Variants in DDX51 observed in about 807,000 individuals in gnomAD.
DDX51 encodes the protein DEAD-box helicase 51.
In DDX51, 67 loss-of-function variants were observed where a neutral mutation model predicts 74.6. That is an observed-to-expected ratio of 0.90 (90% CI 0.74 to 1.10). The LOEUF (loss-of-function observed/expected upper bound fraction) is 1.10. Ranked by LOEUF, DDX51 falls within the 50% of genes least tolerant of loss-of-function variation. The probability of loss-of-function intolerance (pLI) is 0.00; values close to 1 mark genes in which losing one functional copy is unlikely to be tolerated. For synonymous variants in DDX51, 545 were observed against 402.9 expected, an observed-to-expected ratio of 1.35 and a Z score of -4.22; for missense variants, 1,056 against 905.2, an observed-to-expected ratio of 1.17 and a Z score of -2.14.
Position 132,137,058 on chromosome 12 carries a change from C to CTAT in DDX51, c.*2211_*2213dup, listed in dbSNP as rs1229047170. ...AGGGTTTTAGCTGGGACAAGGTGTG[C>CTAT]TATTTGTATAGAGAGTTTCTGTCAG... On this transcript the variant is annotated 3_prime_UTR_variant, in exon 15 of 15. Coordinates refer to ENST00000397333, the MANE Select transcript of DDX51 (RefSeq NM_175066.4). 6.6e-6 allele frequency: 1 copy of CTAT among 152,204 alleles called. No homozygotes were observed. The highest frequency in any genetic ancestry group is 1.5e-5 in the Non-Finnish European group (1 of 68,064). 9.4% of individuals were successfully genotyped at this position (152,204 alleles called of 1,614,324 possible).
At chr12:132,142,072 G>A (rs776885124) in intron 5 of DDX51, 47 bp downstream of exon 5, 2 of 1,571,638 alleles carry the variant, frequency 1.3e-6, no homozygotes, top group Non-Finnish European at 1.7e-6. Context: ...ACTCAGCAGG[G>A]AAGCTGAGGC....
At position 132,141,289 on chromosome 12, in the gene DDX51, A is replaced by G. The variant is rs774251152; in HGVS notation, c.1236T>C (p.Ala412=). ...CTGCTGGATACCTGGCGGCTGTCAC[A>G]GCCTGGGCCTGCCTTCGCTGGAGCA... ...CALLQRRQAQ[A]VTAASTCCPQ... The change falls in exon 8 of 15, where the codon GCT becomes GCC. Residue 412 remains alanine (A), a synonymous_variant. Coordinates refer to ENST00000397333, the MANE Select transcript of DDX51 (RefSeq NM_175066.4). 2 of 1,594,508 alleles carry G rather than the reference A, an allele frequency of 1.3e-6. No homozygotes were observed. Among genetic ancestry groups the G allele is most frequent in the East Asian group, 4.5e-5 (2 of 44,772 alleles).
At chr12:132,143,942 A>G in intron 1 of DDX51, 33 bp from the exon 2 acceptor site, 2 of 1,475,856 alleles carry the variant, frequency 1.4e-6, no homozygotes, top group Non-Finnish European at 1.8e-6. Flanking sequence ...GCAGCGCGTC[A>G]GCACCGAGTC....
Position 132,139,882 on chromosome 12 carries a change from G to A in DDX51, c.1818C>T (p.Phe606=). 6.2e-7 allele frequency: 1 copy of A among 1,613,192 alleles called. No homozygotes were observed. Among genetic ancestry groups the A allele is most frequent in the Admixed American group, 1.7e-5 (1 of 60,030 alleles). The part of the protein sequence containing the change: ...TARAGKTGQA[F]TLLLKVQERR... ...TCACCTGCACTTTCAGGAGCAGTGT[G>A]AAGGCCTGTCCAGTTTTCCCAGCGC... Residue 606 remains phenylalanine, a synonymous_variant, in exon 13 of 15, where the codon TTC becomes TTT. Coordinates refer to ENST00000397333, the MANE Select transcript of DDX51 (RefSeq NM_175066.4).
rs1339248246 is a variant in DDX51 at position 132,141,363 on chromosome 12, C to T, written c.1162G>A (p.Val388Met). The change falls in exon 8 of 15, where the codon GTG becomes ATG. Residue 388 changes from valine (V) to methionine (M), a missense_variant. Val to Met is a conservative substitution (Grantham distance 21). Transcript: ENST00000397333. ...TCGCTCTGGAAGGCGGCCGCCACCA[C>T]CCGCGGCAGCCAGGACTGATGCATG... ...DSMHQSWLPR[V>M]VAAAFQSEDP... 1.3e-6 allele frequency: 2 copies of T among 1,598,532 alleles called. No homozygotes were observed. The highest frequency in any genetic ancestry group is 1.7e-6 in the Non-Finnish European group (2 of 1,179,666).
chr12:132,142,261 G>A lies in DDX51; in HGVS notation c.816+16C>T, dbSNP rs755072059. 6.2e-6 allele frequency: 10 copies of A among 1,611,622 alleles called. No individual in the cohort carries two copies. The highest frequency in any genetic ancestry group is 3.3e-4 in the Middle Eastern group (2 of 6,078). Reference sequence around the variant, plus strand: ...TCTGCACACCCGCTGTAGAGAAAGGGGACCCTCACACAGACCTGCACCACA... The same window carrying A: ...TCTGCACACCCGCTGTAGAGAAAGGAGACCCTCACACAGACCTGCACCACA... On this transcript the variant is annotated intron_variant, in intron 4 of 14. Transcript: ENST00000397333.
intron 6 of DDX51, 26 bp downstream of exon 6, chr12:132,141,824 A>G (rs777533210): frequency 1.2e-6 from 2 of 1,611,782 alleles, no homozygotes; most frequent in South Asian, 1.1e-5. Flanking sequence ...GACCCCCTGA[A>G]AAACCCGCAC....
chr12:132,143,084 C>T, intron 2 of DDX51: 1 of 633,334 alleles, frequency 1.6e-6, no homozygotes, highest in Non-Finnish European at 2.7e-6. Context: ...CACTCTGTAG[C>T]CTCCCATCAA....
chr12:132,141,471 G>T, intron 7 of DDX51, 27 bp downstream of exon 7: 2 of 1,582,438 alleles, frequency 1.3e-6, no homozygotes, highest in East Asian at 4.5e-5. Context: ...TGAGCTCAAA[G>T]CCCAGGCCCC....
At chr12:132,139,388 C>G (rs995200084) in intron 14 of DDX51, 90 bp from the exon 15 acceptor site, 82 of 1,563,368 alleles carry the variant, frequency 5.2e-5, no homozygotes, top group Non-Finnish European at 7.1e-5. Context: ...ACCCTGAGGA[C>G]AGGAAGCCCT....
intron 12 of DDX51, 40 bp from the exon 13 acceptor site, chr12:132,139,964 C>A (rs1402961089): frequency 1.2e-6 from 2 of 1,612,202 alleles, no homozygotes; most frequent in African/African-American, 2.7e-5. Flanking sequence ...GGCCCCTGAG[C>A]CTTCAAGAGT....
At chr12:132,139,811 C>G in intron 13 of DDX51, 42 bp from the exon 14 acceptor site, 5 of 1,612,716 alleles carry the variant, frequency 3.1e-6, no homozygotes, top group Non-Finnish European at 4.2e-6. Flanking sequence ...TTGGGCCAGC[C>G]CCTTAACACC....
At chr12:132,140,072 C>T in intron 12 of DDX51, 26 bp downstream of exon 12, 1 of 1,609,684 alleles carries the variant, frequency 6.2e-7, no homozygotes, top group Non-Finnish European at 8.5e-7. Context: ...CCCAGACCCC[C>T]CAGTGGCCGC....
intron 1 of DDX51, 22 bp downstream of exon 1, chr12:132,143,971 G>C (rs1025279121): frequency 2.5e-5 from 36 of 1,431,238 alleles, no homozygotes; most frequent in Non-Finnish European, 3.0e-5. Flanking sequence ...CCCAGAGGGA[G>C]CCCGCTCGCC....
intron 12 of DDX51, 36 bp from the exon 13 acceptor site, chr12:132,139,960 T>G (rs1052558648): frequency 1.2e-6 from 2 of 1,612,312 alleles, no homozygotes; most frequent in Admixed American, 3.3e-5. Flanking sequence ...GACTGGCCCC[T>G]GAGCCTTCAA....
rs1287995357 is a variant in DDX51 at position 132,139,249 on chromosome 12, C to T, written c.*23G>A. ...GGGTCAGGGTGGTGAGCGTTCAGTC[C>T]CTCCGGCCCTCTGAGCCCCAGCCTA... is the stretch of plus-strand genomic sequence containing the variant. On this transcript the variant is annotated 3_prime_UTR_variant, in exon 15 of 15. Transcript: ENST00000397333. The T allele has an allele frequency of 6.2e-7, 1 of 1,606,190 alleles. No individual in the cohort carries two copies. The highest frequency in any genetic ancestry group is 8.5e-7 in the Non-Finnish European group (1 of 1,178,198).
rs1305649643 is a variant in DDX51 at position 132,140,497 on chromosome 12, A to G, written c.1599T>C (p.Ala533=). ...LVQAFGGVDV[A]EFSSRYGPGQ... Reference sequence around the variant, plus strand: ...CAGGCCCGTAGCGCGAGGAGAACTCAGCCACGTCCACACCCCCAAAAGCTT... The same window carrying G: ...CAGGCCCGTAGCGCGAGGAGAACTCGGCCACGTCCACACCCCCAAAAGCTT... Residue 533 remains alanine, a synonymous_variant, in exon 11 of 15, where the codon GCT becomes GCC. Transcript: ENST00000397333. The G allele has an allele frequency of 3.1e-6, 5 of 1,613,032 alleles. No individual in the cohort carries two copies. Among genetic ancestry groups the G allele is most frequent in the Non-Finnish European group, 2.5e-6 (3 of 1,180,028 alleles).
chr12:132,143,908 T>G lies in DDX51; in HGVS notation c.306A>C (p.Glu102Asp). ...RKADGEDAGA[E>D]SNEEAPGEPS... The stretch of plus-strand genomic sequence containing the variant: ...GCTCCCCTGGCGCCTCCTCGTTGCT[T>G]TCTGCGAGGCAGACACCCACCCGGC... Residue 102 changes from glutamate to aspartate, a missense_variant and splice_region_variant, in exon 2 of 15, where the codon GAA becomes GAC. Glu to Asp is a conservative substitution (Grantham distance 45, BLOSUM62 2). Transcript: ENST00000397333. The G allele has an allele frequency of 6.6e-7, 1 of 1,516,544 alleles. No homozygotes were observed. The highest frequency in any genetic ancestry group is 8.8e-7 in the Non-Finnish European group (1 of 1,139,924). The allele number at this position is 1,516,544 out of a possible 1,614,324, so 93.9% of individuals were successfully genotyped here.
At position 132,138,830 on chromosome 12, in the gene DDX51, C is replaced by G. The variant is rs1235001478; in HGVS notation, c.*442G>C. On this transcript the variant is annotated 3_prime_UTR_variant, in exon 15 of 15. Transcript: ENST00000397333. ...ACAGGGTTTCTCCATGTTGGTCAGGCTGGTCTCGAACTCGTGACCTCAGGT... is the reference window on the plus strand; with the variant it reads ...ACAGGGTTTCTCCATGTTGGTCAGGGTGGTCTCGAACTCGTGACCTCAGGT... The G allele has an allele frequency of 3.0e-5, 5 of 165,170 alleles. No homozygotes were observed. The highest frequency in any genetic ancestry group is 6.5e-5 in the Non-Finnish European group (5 of 77,010). The allele number at this position is 165,170 out of a possible 1,614,324, so 10.2% of individuals were successfully genotyped here.
Sources: gnomAD v4.1 joint callset for allele counts on GRCh38, gnomAD v4.1.1 for gene constraint, MANE v1.5 for transcripts, NCBI Gene and HGNC (gene_info 2026-07-23, HGNC 2026-07-21) for gene names.